TECTB: variants seen among roughly 807,000 people sequenced by gnomAD.
TECTB encodes beta-tectorin.
A neutral mutation model predicts 43.3 loss-of-function variants in TECTB; 45 were observed. The observed-to-expected ratio is 1.04, with a 90% CI of 0.82 to 1.33. The LOEUF is 1.33. TECTB is among the 40% of genes most tolerant of loss of function. The pLI, the probability that TECTB is intolerant of heterozygous loss-of-function variation, is 0.00. For synonymous variants in TECTB, 169 were observed against 156.7 expected, an observed-to-expected ratio of 1.08 and a Z score of -0.59; for missense variants, 399 against 404.7, an observed-to-expected ratio of 0.99 and a Z score of 0.12.
At chr10:112,284,373 A>C (rs1036496361) in intron 2 of TECTB, among the ~76,000 whole-genome samples, 162 bp from the exon 3 acceptor site, 2 of 152,174 alleles carry the variant, frequency 1.3e-5, no homozygotes, top group Non-Finnish European at 2.9e-5. Context: ...TCAATGACTG[A>C]AGTTTGGGGA....
rs753693114 is a variant in TECTB, at chr10:112,284,607, T to A, written c.149T>A (p.Val50Asp). 9.5e-5 allele frequency: 154 copies of A among 1,613,692 alleles called. No homozygotes were observed. The highest frequency in any genetic ancestry group is 1.2e-4 in the Non-Finnish European group (144 of 1,179,856). The change falls in exon 3 of 11, where the codon GTT becomes GAT. Residue 50 changes from valine (V) to aspartate (D), a missense_variant. Val to Asp is a radical substitution (Grantham distance 152). Coordinates refer to ENST00000646139, the MANE Select transcript of TECTB (RefSeq NM_058222.3). ...CCCGAGTGTCCCTATGGATGGGAAGTTCATCAGCTGGCCCTCGGAGGGCTG... is the reference window on the plus strand; with the variant it reads ...CCCGAGTGTCCCTATGGATGGGAAGATCATCAGCTGGCCCTCGGAGGGCTG... ...KIPECPYGWE[V>D]HQLALGGLCY...
intron 5 of TECTB, among the ~76,000 whole-genome samples, chr10:112,289,162 C>T (rs1848478045): frequency 6.6e-6 from 1 of 152,060 alleles, no homozygotes; most frequent in Non-Finnish European, 1.5e-5. Context: ...GTTAAGTACC[C>T]AAGAAAGTAG....
chr10:112,292,464 T>A (rs1213112169), intron 5 of TECTB, among the ~76,000 whole-genome samples: 1 of 152,064 alleles, frequency 6.6e-6, no homozygotes, highest in Non-Finnish European at 1.5e-5. Context: ...TGACAGAGTC[T>A]CACTCTGTCA....
chr10:112,288,249 A>C (rs1848471042), intron 5 of TECTB, among the ~76,000 whole-genome samples: 1 of 152,218 alleles, frequency 6.6e-6, no homozygotes, highest in Admixed American at 6.5e-5. Flanking sequence ...GGATTGTCAA[A>C]AATCATTGCC....
chr10:112,289,352 A>G (rs949014882), intron 5 of TECTB, among the ~76,000 whole-genome samples: 1 of 152,200 alleles, frequency 6.6e-6, no homozygotes, highest in African/African-American at 2.4e-5. Flanking sequence ...CTTAAGACGG[A>G]AAAAATGCAA....
In TECTB at chr10:112,304,311, G is replaced by C. The variant is rs150679950; in HGVS notation, c.*999G>C. 1.3e-5 allele frequency: 2 copies of C among 152,308 alleles called. No individual in the cohort carries two copies. Among genetic ancestry groups the C allele is most frequent in the East Asian group, 3.9e-4 (2 of 5,178 alleles). The allele number at this position is 152,308 out of a possible 1,614,324, so 9.4% of individuals were successfully genotyped here. ...TACTTAAACATCGAAGCTTACATCT[G>C]TTTTTGTCTCATTCACTTACAATCA... is the stretch of plus-strand genomic sequence containing the variant. On this transcript the variant is annotated 3_prime_UTR_variant, in exon 11 of 11. Coordinates refer to ENST00000646139, the MANE Select transcript of TECTB (RefSeq NM_058222.3).
chr10:112,301,998 G>A (rs190295959), intron 9 of TECTB, 103 bp from the exon 10 acceptor site: 86 of 1,390,984 alleles, frequency 6.2e-5, no homozygotes, highest in Admixed American at 2.0e-4. Context: ...AGTGTGAGCC[G>A]CAGCCCCCAG....
intron 5 of TECTB, among the ~76,000 whole-genome samples, chr10:112,292,181 T>A (rs1006731858): frequency 6.6e-6 from 1 of 151,094 alleles, no homozygotes; most frequent in African/African-American, 2.4e-5. Context: ...ACAGAGCAGT[T>A]CAAGATTGTT....
Position 112,303,707 on chromosome 10 carries a change from C to A in TECTB, c.*395C>A. 5.5e-6 allele frequency: 1 copy of A among 182,466 alleles called. No homozygotes were observed. Among genetic ancestry groups the A allele is most frequent in the Non-Finnish European group, 1.2e-5 (1 of 86,188 alleles). The allele number at this position is 182,466 out of a possible 1,614,324, so 11.3% of individuals were successfully genotyped here. On this transcript the variant is annotated 3_prime_UTR_variant, in exon 11 of 11. Coordinates refer to ENST00000646139, the MANE Select transcript of TECTB (RefSeq NM_058222.3). ...TACAAAGTCAACACTAAATGCACAA[C>A]GCACATTAATAGCTGACTTTGCCAA...
chr10:112,286,268 C>G (rs774580788), intron 4 of TECTB, 51 bp from the exon 5 acceptor site: 5 of 1,613,288 alleles, frequency 3.1e-6, no homozygotes, highest in Non-Finnish European at 3.4e-6. Context: ...ACTGCAGGTC[C>G]TATCAATCAG....
chr10:112,302,638 C>T (rs957805559), intron 10 of TECTB: 1 of 267,888 alleles, frequency 3.7e-6, no homozygotes. Flanking sequence ...TGAACAATGC[C>T]CAGCAAACAG....
chr10:112,299,720 G>T (rs1446371553), intron 9 of TECTB, 156 bp downstream of exon 9: 7 of 721,324 alleles, frequency 9.7e-6, no homozygotes, highest in South Asian at 9.1e-5. Context: ...CCAGCCAGGG[G>T]TGGGGAACAG....
intron 9 of TECTB, 87 bp downstream of exon 9, chr10:112,299,651 A>G: frequency 6.8e-7 from 1 of 1,472,118 alleles, no homozygotes; most frequent in Non-Finnish European, 9.4e-7. Flanking sequence ...GAGCATTTTT[A>G]CTGAATTGCC....
intron 2 of TECTB, 79 bp downstream of exon 2, chr10:112,283,889 C>G (rs980204191): frequency 2.1e-6 from 3 of 1,430,426 alleles, no homozygotes; most frequent in Non-Finnish European, 2.9e-6. Context: ...CACTTCTGTG[C>G]TTAACTTGTT....
At position 112,283,791 on chromosome 10, in the gene TECTB, G is replaced by T. The variant is rs554525478; in HGVS notation, c.57G>T (p.Ser19=). 1 of 1,613,812 alleles carries T rather than the reference G, an allele frequency of 6.2e-7. No individual in the cohort carries two copies. The highest frequency in any genetic ancestry group is 8.5e-7 in the Non-Finnish European group (1 of 1,179,870). ...TCTTTGCAGAAGCCTCTGCAAAATC[G>T]TGTGCTCCAAATAAAGCAGGTATGT... ...LAIFAEASAK[S]CAPNKADVIL... The change falls in exon 2 of 11, where the codon TCG becomes TCT. Residue 19 remains serine (S), a synonymous_variant. Transcript: ENST00000646139.
intron 9 of TECTB, 56 bp downstream of exon 9, chr10:112,299,620 G>A (rs747055589): frequency 3.7e-5 from 59 of 1,588,470 alleles, no homozygotes; most frequent in Admixed American, 5.0e-5. Flanking sequence ...GCTGGGCTGC[G>A]TCCACAGGCA....
intron 5 of TECTB, among the ~76,000 whole-genome samples, chr10:112,291,870 C>T (rs1393381081): frequency 1.3e-5 from 2 of 152,196 alleles, no homozygotes; most frequent in Admixed American, 6.5e-5. Flanking sequence ...GGCGCAGTGG[C>T]TCACGCCTGT....
intron 9 of TECTB, among the ~76,000 whole-genome samples, chr10:112,300,212 C>A (rs199875186): frequency 2.8e-5 from 2 of 71,464 alleles, no homozygotes; most frequent in African/African-American, 5.3e-5. Context: ...GAGAGACAGA[C>A]AGACAGACAG....
intron 3 of TECTB, 145 bp from the exon 4 acceptor site, chr10:112,285,923 CAAG>C: frequency 3.0e-6 from 3 of 993,122 alleles, no homozygotes; most frequent in Admixed American, 2.1e-5. Context: ...CACCCGCAGA[CAAG>C]AAGAGTGGAT....
Sources: allele counts gnomAD v4.1 joint callset (sites outside exome capture counted in the v4.1 genomes callset), GRCh38; gene constraint gnomAD v4.1.1; transcripts MANE v1.5; gene names NCBI Gene and HGNC (gene_info 2026-07-23, HGNC 2026-07-21).